The following CNTNAP2 variants were observed in gnomAD, a reference collection of about 807,000 sequenced individuals.
CNTNAP2 encodes the protein contactin-associated protein-like 2.
In CNTNAP2, 98 loss-of-function variants were observed where a neutral mutation model predicts 155.2. The observed-to-expected ratio is 0.63, with a 90% CI of 0.54 to 0.75. CNTNAP2 has a LOEUF of 0.75. CNTNAP2 is among the 30% of genes least tolerant of loss of function. The probability of loss-of-function intolerance (pLI) is 0.00; values close to 1 mark genes in which losing one functional copy is unlikely to be tolerated. For missense variants in CNTNAP2, 1,727 were observed against 1,688.1 expected, an observed-to-expected ratio of 1.02 and a Z score of -0.40; for synonymous variants, 651 against 631.2, an observed-to-expected ratio of 1.03 and a Z score of -0.47.
At chr7:147,344,609 C>G (rs1236993215) in intron 9 of CNTNAP2, among the ~76,000 whole-genome samples, 1 of 152,008 alleles carries the variant, frequency 6.6e-6, no homozygotes, top group Non-Finnish European at 1.5e-5. Flanking sequence ...ATGGTAAAAC[C>G]CCATGATAAA....
chr7:147,873,444 G>A (rs751522194), intron 13 of CNTNAP2, among the ~76,000 whole-genome samples: 1 of 152,158 alleles, frequency 6.6e-6, no homozygotes, highest in Admixed American at 6.5e-5. Flanking sequence ...TTACATGGCA[G>A]CAGGCAAGAG....
chr7:148,024,157 T>TAAAAAAAAAA (rs34591496), intron 15 of CNTNAP2, among the ~76,000 whole-genome samples: 1 of 107,624 alleles, frequency 9.3e-6, no homozygotes, highest in Non-Finnish European at 1.8e-5. Context: ...CTTTAAAGTG[T>TAAAAAAAAAA]AAAAAAAAAA....
intron 12 of CNTNAP2, among the ~76,000 whole-genome samples, chr7:147,626,548 T>C (rs1794981521): frequency 6.6e-6 from 1 of 152,144 alleles, no homozygotes; most frequent in African/African-American, 2.4e-5. Context: ...CCCACCCTAG[T>C]AGCTGATTAC....
rs1387700116 is a variant in CNTNAP2, at chr7:147,272,081, T to TG, written c.1349-28056dup. On this transcript the variant is annotated intron_variant, in intron 8 of 23. Transcript: ENST00000361727. ...TTAATTTTTATATTTTTAGTAGAGA[T>TG]GGGGTCTCACCATGTTGGCCAGGCT... Among the ~76,000 whole-genome samples the TG allele has an allele frequency of 3.9e-5, 6 of 152,146 alleles. No homozygotes were observed. The South Asian group carries it at 6.2e-4, about 16-fold the overall frequency.
At chr7:147,869,745 A>G (rs533370388) in intron 13 of CNTNAP2, among the ~76,000 whole-genome samples, 100 of 152,338 alleles carry the variant, frequency 6.6e-4, no homozygotes, top group African/African-American at 2.3e-3. Flanking sequence ...TTGATAAAAA[A>G]GCCTATGGAA....
intron 9 of CNTNAP2, among the ~76,000 whole-genome samples, chr7:147,330,873 A>C (rs1271935811): frequency 6.6e-6 from 1 of 152,188 alleles, no homozygotes; most frequent in Non-Finnish European, 1.5e-5. Context: ...TACAGATGAC[A>C]CAAACTTGGA....
intron 1 of CNTNAP2, among the ~76,000 whole-genome samples, chr7:146,119,621 T>C (rs1471689084): frequency 1.3e-5 from 2 of 152,108 alleles, no homozygotes; most frequent in African/African-American, 2.4e-5. Flanking sequence ...TATTTGAACA[T>C]ATTATAAAGA....
At chr7:146,722,265 A>G (rs148644222) in intron 1 of CNTNAP2, among the ~76,000 whole-genome samples, 30 of 152,106 alleles carry the variant, frequency 2.0e-4, no homozygotes, top group African/African-American at 7.0e-4. Context: ...TGCTGAAAAG[A>G]ATGGTACCTG....
intron 1 of CNTNAP2, among the ~76,000 whole-genome samples, chr7:146,600,959 C>G (rs1798941443): frequency 6.6e-6 from 1 of 152,094 alleles, no homozygotes; most frequent in South Asian, 2.1e-4. Flanking sequence ...ATAATGAACT[C>G]CCTCTTGGGA....
intron 14 of CNTNAP2, among the ~76,000 whole-genome samples, chr7:147,934,316 A>G (rs1240840896): frequency 6.6e-6 from 1 of 152,214 alleles, no homozygotes; most frequent in African/African-American, 2.4e-5. Context: ...GGGAAGCCTC[A>G]CAGTCATGGC....
intron 4 of CNTNAP2, among the ~76,000 whole-genome samples, chr7:147,098,073 C>T (rs747386925): frequency 6.6e-6 from 1 of 152,122 alleles, no homozygotes; most frequent in Non-Finnish European, 1.5e-5. Context: ...TCTGGCTTTG[C>T]GTAACTGTTG....
At chr7:147,977,505 G>C (rs191897129) in intron 14 of CNTNAP2, among the ~76,000 whole-genome samples, 160 of 152,298 alleles carry the variant, frequency 1.1e-3, no homozygotes, top group African/African-American at 3.6e-3. Context: ...CGACCAGGTT[G>C]ACTTTGTTGA....
intron 1 of CNTNAP2, among the ~76,000 whole-genome samples, chr7:146,390,973 A>AAAAATACAAAAATTAGCTGGGCACGGT (rs1311958580): frequency 4.4e-4 from 65 of 148,412 alleles, no homozygotes; most frequent in East Asian, 9.8e-4. Context: ...AGGCTGAGGC[A>AAAAATACAAAAATTAGCTGGGCACGGT]GGAGAATTGC....
intron 8 of CNTNAP2, among the ~76,000 whole-genome samples, chr7:147,257,453 G>A (rs530223877): frequency 2.6e-5 from 4 of 152,318 alleles, no homozygotes; most frequent in South Asian, 2.1e-4. Context: ...GCAAGGAGAC[G>A]AAATGCACAG....
intron 21 of CNTNAP2, among the ~76,000 whole-genome samples, chr7:148,306,553 C>G (rs76687983): frequency 0.053 from 8,044 of 152,222 alleles, 515 homozygotes; most frequent in Admixed American, 0.19. Flanking sequence ...TTCATAAACT[C>G]TCATTGAGTT....
chr7:147,911,087 A>G (rs1308659014), intron 14 of CNTNAP2, among the ~76,000 whole-genome samples: 2 of 152,128 alleles, frequency 1.3e-5, no homozygotes, highest in Admixed American at 1.3e-4. Context: ...CAAAACTGAA[A>G]CGCTATACCC....
intron 10 of CNTNAP2, among the ~76,000 whole-genome samples, chr7:147,446,192 C>G (rs1797736218): frequency 6.7e-6 from 1 of 150,162 alleles, no homozygotes; most frequent in African/African-American, 2.5e-5. Context: ...TCACTGTCGG[C>G]CTCCTCTCTC....
chr7:146,960,309 G>T (rs1211316215), intron 3 of CNTNAP2, among the ~76,000 whole-genome samples: 1 of 152,074 alleles, frequency 6.6e-6, no homozygotes, highest in Non-Finnish European at 1.5e-5. Flanking sequence ...CTTATTTTGA[G>T]AATGTTTCTA....
At chr7:147,411,254 GA>G (rs935556190) in intron 10 of CNTNAP2, among the ~76,000 whole-genome samples, 6 of 152,020 alleles carry the variant, frequency 3.9e-5, no homozygotes, top group South Asian at 2.1e-4. Flanking sequence ...TATTCAATGG[GA>G]AAAAAAATGT....
Sources: allele counts gnomAD v4.1 joint callset (sites outside exome capture counted in the v4.1 genomes callset), GRCh38; gene constraint gnomAD v4.1.1; transcripts MANE v1.5; gene names NCBI Gene and HGNC (gene_info 2026-07-23, HGNC 2026-07-21).